ZNF462: variants seen among roughly 807,000 people sequenced by gnomAD.
The protein encoded by ZNF462 is zinc finger PBX1-interacting protein.
ZNF462 carries 10 observed loss-of-function variants against 201.9 expected under a neutral mutation model. The observed-to-expected ratio is 0.05, with a 90% confidence interval of 0.03 to 0.08. The LOEUF is 0.08. ZNF462 is among the 10% of genes least tolerant of loss of function. The pLI is 1.00. For synonymous variants in ZNF462, 1,227 were observed against 1,193.3 expected (o/e 1.03, Z -0.58); for missense variants, 2,523 against 3,168.3 (o/e 0.80, Z 4.89).
At chr9:106,879,751 G>A (rs1004815462) in intron 1 of ZNF462, among the ~76,000 whole-genome samples, 2 of 152,156 alleles carry the variant, frequency 1.3e-5, no homozygotes, top group Non-Finnish European at 2.9e-5. Flanking sequence ...TATGTAACTG[G>A]AGAGAGCCAT....
rs1830445505 is a variant in ZNF462 at position 106,932,017 on chromosome 9, T to C, written c.6013-429T>C. 6.6e-6 allele frequency among the ~76,000 whole-genome samples: 1 copy of C among 152,152 alleles called. No individual in the cohort carries two copies. The highest frequency in any genetic ancestry group is 1.5e-5 in the Non-Finnish European group (1 of 68,022). ...GTGTCTTCAGAGTGGGAGAAGCCCT[T>C]GTTCACATTTCGCAAACAGTAGCAA... On this transcript the variant is annotated intron_variant, in intron 4 of 12. Transcript: ENST00000277225. The surrounding 1 kb of genome is among the most constrained non-coding windows in gnomAD (Gnocchi z 6.8).
chr9:106,860,721 G>C (rs1827043311), upstream of ZNF462, among the ~76,000 whole-genome samples: 1 of 152,166 alleles, frequency 6.6e-6, no homozygotes, highest in Non-Finnish European at 1.5e-5. This position sits in a 1 kb window ranked among gnomAD's most constrained non-coding sequence, Gnocchi z 7.1. Context: ...GTGGAGGGAC[G>C]GCGGAGACCT....
chr9:106,924,077 G>A lies in ZNF462; in HGVS notation c.221-56G>A. On this transcript the variant is annotated intron_variant, in intron 2 of 12. Coordinates refer to ENST00000277225, the MANE Select transcript of ZNF462 (RefSeq NM_021224.6). The surrounding 1 kb of genome is among the most constrained non-coding windows in gnomAD (Gnocchi z 6.2). ...TAATTGGAATGGTACTGATTTGCAT[G>A]ATTGGATATTTTAATTATCTTTTGC... is the stretch of plus-strand genomic sequence containing the variant. The A allele has an allele frequency of 1.4e-6, 2 of 1,409,760 alleles. No homozygotes were observed. Among genetic ancestry groups the A allele is most frequent in the East Asian group, 2.3e-5 (1 of 43,762 alleles). The allele number at this position is 1,409,760 out of a possible 1,614,324, so 87.3% of individuals were successfully genotyped here.
rs771636248 is a variant in ZNF462 at position 106,928,706 on chromosome 9, G to T, written c.4794G>T (p.Lys1598Asn). 1 of 1,614,174 alleles carries T rather than the reference G, an allele frequency of 6.2e-7. No individual in the cohort carries two copies. The change falls in exon 3 of 13, where the codon AAG (lysine) becomes AAT (asparagine). Residue 1598 changes from lysine (K) to asparagine (N), a missense_variant. Physicochemically the swap from Lys to Asn is moderately conservative, Grantham distance 94. Transcript: ENST00000277225. The surrounding 1 kb of genome is among the most constrained non-coding windows in gnomAD (Gnocchi z 9.3). Reference protein sequence around the residue: ...TLEKLKIHYEKYHNQPEFDVF... With the variant: ...TLEKLKIHYENYHNQPEFDVF... ...AGAAACTAAAAATCCACTACGAGAA[G>T]TATCACAATCAGCCTGAATTTGATG...
Position 106,993,583 on chromosome 9 carries a change from T to C in ZNF462, c.7056+9174T>C, listed in dbSNP as rs373422803. ...TAATCTCAGTGGGTCCTCTAGAAGGTTGACTAGTGTAGTCTCTCCCTCCTC... is the reference window on the plus strand; with the variant it reads ...TAATCTCAGTGGGTCCTCTAGAAGGCTGACTAGTGTAGTCTCTCCCTCCTC... On this transcript the variant is annotated intron_variant, in intron 10 of 12. Transcript: ENST00000277225. This position sits in a 1 kb window ranked among gnomAD's most constrained non-coding sequence, Gnocchi z 4.0. Among the ~76,000 whole-genome samples, 1 of 152,000 alleles carries C rather than the reference T, an allele frequency of 6.6e-6. No individual in the cohort carries two copies. The highest frequency in any genetic ancestry group is 1.5e-5 in the Non-Finnish European group (1 of 67,974).
At chr9:106,965,669 G>C (rs1366739001) in intron 7 of ZNF462, among the ~76,000 whole-genome samples, 5 of 152,066 alleles carry the variant, frequency 3.3e-5, no homozygotes, top group Non-Finnish European at 7.4e-5. Context: ...TTTAGGGAAA[G>C]ATGGTGTCAG....
intron 7 of ZNF462, among the ~76,000 whole-genome samples, chr9:106,952,275 AC>A (rs1831386128): frequency 6.6e-6 from 1 of 152,172 alleles, no homozygotes; most frequent in African/African-American, 2.4e-5. Flanking sequence ...AATGATGCCG[AC>A]TTTATGGGGT....
rs1830220080 is a variant in ZNF462, at chr9:106,926,980, T to G, written c.3068T>G (p.Leu1023Trp). The change falls in exon 3 of 13, where the codon TTG becomes TGG. Residue 1023 changes from leucine to tryptophan, a missense_variant. Leu to Trp is a moderately conservative substitution (Grantham distance 61). This residue lies in a region of ZNF462 where 280 missense variants were observed against 321.3 expected (regional missense o/e 0.87). Transcript: ENST00000277225. The surrounding 1 kb of genome is among the most constrained non-coding windows in gnomAD (Gnocchi z 7.9). ...TPECENQKDP[L>W]VNTVVVYDCD... ...GAATGTGAAAATCAGAAGGACCCTT[T>G]GGTCAACACTGTTGTTGTTTATGAT... 1 of 1,614,092 alleles carries G rather than the reference T, an allele frequency of 6.2e-7. No individual in the cohort carries two copies. The highest frequency in any genetic ancestry group is 8.5e-7 in the Non-Finnish European group (1 of 1,180,040).
At position 106,878,884 on chromosome 9, in the gene ZNF462, T is replaced by C. The variant is rs78862940; in HGVS notation, c.-31+15529T>C. On this transcript the variant is annotated intron_variant, in intron 1 of 12. Transcript: ENST00000277225. ...TTCTCTGTTGGTGTGAAGTAGAGTT[T>C]CCAGTTATTTTTAGGTCATTTTCAT... 3.0e-4 allele frequency among the ~76,000 whole-genome samples: 46 copies of C among 152,342 alleles called. No homozygotes were observed. In the East Asian group the frequency reaches 8.7e-3, roughly 29 times the overall value.
intron 1 of ZNF462, among the ~76,000 whole-genome samples, chr9:106,884,387 C>T (rs982498047): frequency 7.2e-5 from 11 of 152,120 alleles, no homozygotes; most frequent in South Asian, 2.1e-4. Flanking sequence ...AATAGGCTTT[C>T]GTCTTTTCTT....
intron 7 of ZNF462, among the ~76,000 whole-genome samples, chr9:106,945,051 G>A (rs1218561114): frequency 1.3e-5 from 2 of 152,222 alleles, no homozygotes; most frequent in East Asian, 3.9e-4. Context: ...TAGATGAGAT[G>A]ATTGGGGGGA....
chr9:106,915,538 A>C (rs1426795886), intron 1 of ZNF462, among the ~76,000 whole-genome samples: 1 of 152,232 alleles, frequency 6.6e-6, no homozygotes, highest in Admixed American at 6.5e-5. Context: ...TCCCATATAG[A>C]AACACATATG....
At chr9:107,002,806 G>A (rs538654082) in intron 10 of ZNF462, among the ~76,000 whole-genome samples, 70 of 152,290 alleles carry the variant, frequency 4.6e-4, no homozygotes, top group African/African-American at 1.6e-3. Flanking sequence ...GGCCTAAGCC[G>A]GGACAGCCTG....
intron 7 of ZNF462, among the ~76,000 whole-genome samples, chr9:106,956,502 T>C (rs1250036947): frequency 1.3e-5 from 2 of 152,164 alleles, no homozygotes; most frequent in African/African-American, 2.4e-5. Flanking sequence ...AAAGCACTGC[T>C]GTCAACATAA....
intron 7 of ZNF462, among the ~76,000 whole-genome samples, chr9:106,960,757 A>G (rs1831796612): frequency 6.6e-6 from 1 of 152,148 alleles, no homozygotes; most frequent in African/African-American, 2.4e-5. Flanking sequence ...AATTACAAAT[A>G]TCATTTAATG....
Position 107,006,736 on chromosome 9 carries a change from T to G in ZNF462, c.7190-2809T>G, listed in dbSNP as rs1453921809. ...TGCGAAGGGGGCCCCAGTTTGGCTC[T>G]TGAACCCCTGACCAAGACAGTCAGC... On this transcript the variant is annotated intron_variant, in intron 11 of 12. Transcript: ENST00000277225. This position sits in a 1 kb window ranked among gnomAD's most constrained non-coding sequence, Gnocchi z 4.3. Among the ~76,000 whole-genome samples, 1 of 152,126 alleles carries G rather than the reference T, an allele frequency of 6.6e-6. No individual in the cohort carries two copies. The highest frequency in any genetic ancestry group is 2.4e-5 in the African/African-American group (1 of 41,420).
At chr9:106,989,820 T>C (rs1451561719) in intron 10 of ZNF462, among the ~76,000 whole-genome samples, 1 of 152,196 alleles carries the variant, frequency 6.6e-6, no homozygotes, top group Non-Finnish European at 1.5e-5. Flanking sequence ...TTCTAGTTTA[T>C]GTGCGTAAAG....
chr9:106,995,618 A>G (rs1224681793), intron 10 of ZNF462: 1 of 152,154 alleles, frequency 6.6e-6, no homozygotes, highest in African/African-American at 2.4e-5. Context: ...TGTGATCTTC[A>G]TCTACAAATA....
Position 106,929,852 on chromosome 9 carries a change from C to T in ZNF462, c.5847+93C>T, listed in dbSNP as rs1055768144. Reference sequence around the variant, plus strand: ...TCGTTGCCAGCCAAACTGCTGCAGGCTTCCTAGTGACTTAGCTTGCCAGAG... The same window carrying T: ...TCGTTGCCAGCCAAACTGCTGCAGGTTTCCTAGTGACTTAGCTTGCCAGAG... On this transcript the variant is annotated intron_variant, in intron 3 of 12. Transcript: ENST00000277225. This position sits in a 1 kb window ranked among gnomAD's most constrained non-coding sequence, Gnocchi z 8.7. 5.1e-6 allele frequency: 6 copies of T among 1,178,710 alleles called. No individual in the cohort carries two copies. In the African/African-American group the frequency reaches 6.2e-5, roughly 12 times the overall value. The allele number at this position is 1,178,710 out of a possible 1,614,324, so 73.0% of individuals were successfully genotyped here. A position where few individuals can be genotyped will look rare whatever the true frequency, so the allele number is the denominator to read the frequency against.
Sources: allele counts gnomAD v4.1 joint callset (sites outside exome capture counted in the v4.1 genomes callset), GRCh38; gene constraint gnomAD v4.1.1; regional missense constraint gnomAD v4.1.1; non-coding constraint Gnocchi (gnomAD v3.1); transcripts MANE v1.5; gene names NCBI Gene and HGNC (gene_info 2026-07-23, HGNC 2026-07-21).